Variants in VPS8 observed in about 807,000 individuals in gnomAD.
VPS8 encodes VPS8 subunit of CORVET complex.
A neutral mutation model predicts 216.4 loss-of-function variants in VPS8; 129 were observed. The observed-to-expected ratio is 0.60, with a 90% confidence interval of 0.52 to 0.69. VPS8 has a LOEUF of 0.69. VPS8 is among the 30% of genes least tolerant of loss of function. VPS8 has a pLI of 0.00. For missense variants in VPS8, 1,531 were observed against 1,683.5 expected, an observed-to-expected ratio of 0.91 and a Z score of 1.59; for synonymous variants, 571 against 565.4, an observed-to-expected ratio of 1.01 and a Z score of -0.14.
chr3:185,032,038 C>T (rs936548436), intron 46 of VPS8, among the ~76,000 whole-genome samples: 1 of 152,028 alleles, frequency 6.6e-6, no homozygotes, highest in Non-Finnish European at 1.5e-5. Flanking sequence ...ATGGTGGGCA[C>T]CTGTAATCCA....
At chr3:184,885,668 A>AT (rs1731078919) in intron 21 of VPS8, among the ~76,000 whole-genome samples, 2 of 152,036 alleles carry the variant, frequency 1.3e-5, no homozygotes, top group South Asian at 4.1e-4. Flanking sequence ...ACGAATGCAT[A>AT]TTTTCACCTA....
At chr3:184,964,421 A>G (rs1577001994) in intron 37 of VPS8, 47 bp from the exon 38 acceptor site, 1 of 1,289,280 alleles carries the variant, frequency 7.8e-7, no homozygotes, top group Non-Finnish European at 1.0e-6. Context: ...TTCCCACTCC[A>G]CAAATAAGAT....
At chr3:184,835,011 A>G (rs543374762) in intron 5 of VPS8, 6 of 284,818 alleles carry the variant, frequency 2.1e-5, no homozygotes, top group South Asian at 3.2e-4. Flanking sequence ...AATAAATACT[A>G]TTTGCCTTTT....
At chr3:184,854,051 C>G in intron 12 of VPS8, 41 bp downstream of exon 12, 2 of 1,612,410 alleles carry the variant, frequency 1.2e-6, no homozygotes, top group Non-Finnish European at 1.7e-6. Context: ...CTTTTAGAAG[C>G]TTTGAATACC....
intron 15 of VPS8, 85 bp from the exon 16 acceptor site, chr3:184,862,812 A>T: frequency 7.2e-7 from 1 of 1,392,890 alleles, no homozygotes; most frequent in African/African-American, 1.4e-5. Context: ...AATGTAATTT[A>T]ATCGAGCAGC....
At chr3:184,881,935 C>A (rs1035482169) in intron 21 of VPS8, among the ~76,000 whole-genome samples, 4 of 151,868 alleles carry the variant, frequency 2.6e-5, no homozygotes, top group African/African-American at 9.7e-5. Flanking sequence ...TTATATTCTG[C>A]AATCTTGTAG....
intron 5 of VPS8, among the ~76,000 whole-genome samples, chr3:184,835,803 G>A (rs535529308): frequency 7.6e-5 from 11 of 145,588 alleles, no homozygotes; most frequent in African/African-American, 2.5e-4. Flanking sequence ...TCCACCTCCC[G>A]GATTCATGTC....
At position 184,816,387 on chromosome 3, in the gene VPS8, CCTTA is replaced by C. The variant is rs542619759; in HGVS notation, c.-89+4166_-89+4169del. Among the ~76,000 whole-genome samples, 420 of 152,222 alleles carry C rather than the reference CCTTA, an allele frequency of 2.8e-3. 1 individual carries two copies. Among genetic ancestry groups the C allele is most frequent in the Middle Eastern group, 0.01 (3 of 294 alleles). Reference sequence around the variant, plus strand: ...GAAGGTCTTAGGCACTGTTCCTTCCCCTTACTTTTCTTTTTAACATTTTTTAATC... The same window carrying C: ...GAAGGTCTTAGGCACTGTTCCTTCCCCTTTTCTTTTTAACATTTTTTAATC... On this transcript the variant is annotated intron_variant, in intron 1 of 47. Coordinates refer to ENST00000625842, the MANE Select transcript of VPS8 (RefSeq NM_001009921.3).
At chr3:184,898,029 G>T (rs892275055) in intron 23 of VPS8, among the ~76,000 whole-genome samples, 1 of 151,950 alleles carries the variant, frequency 6.6e-6, no homozygotes, top group African/African-American at 2.4e-5. Flanking sequence ...GTGACTTTTT[G>T]AATACTCCAG....
At chr3:185,039,539 G>T (rs1158188306) in intron 46 of VPS8, among the ~76,000 whole-genome samples, 2 of 150,582 alleles carry the variant, frequency 1.3e-5, no homozygotes, top group South Asian at 2.1e-4. Flanking sequence ...TTTTTTTTTT[G>T]GAAAAGAAAT....
At chr3:184,887,339 C>A (rs1731466726) in intron 22 of VPS8, among the ~76,000 whole-genome samples, 1 of 152,014 alleles carries the variant, frequency 6.6e-6, no homozygotes, top group Admixed American at 6.6e-5. Context: ...AGAGCAAGAT[C>A]CTATCTCAAG....
chr3:184,973,498 A>C (rs1748772454), intron 40 of VPS8, among the ~76,000 whole-genome samples: 1 of 152,244 alleles, frequency 6.6e-6, no homozygotes, highest in African/African-American at 2.4e-5. Context: ...TGTAATGATC[A>C]AATCGGTTAC....
intron 30 of VPS8, among the ~76,000 whole-genome samples, chr3:184,925,643 T>C (rs1381615943): frequency 6.6e-6 from 1 of 152,182 alleles, no homozygotes. Flanking sequence ...TTAATAGAGT[T>C]AGTATCCAAA....
intron 46 of VPS8, among the ~76,000 whole-genome samples, chr3:185,025,004 A>G (rs1464675539): frequency 6.6e-6 from 1 of 152,138 alleles, no homozygotes; most frequent in African/African-American, 2.4e-5. Flanking sequence ...CTCCATCTCA[A>G]AAAAAGAAAA....
Position 184,957,514 on chromosome 3 carries a change from CTA to C in VPS8, c.3178_3179del (p.Ile1060SerfsTer10). 6.2e-7 allele frequency: 1 copy of C among 1,609,504 alleles called. No individual in the cohort carries two copies. Among genetic ancestry groups the C allele is most frequent in the African/African-American group, 1.3e-5 (1 of 74,980 alleles). ...CTTGAGTGCTACCGTCTGGAAGAAA[CTA>C]TTCAGGTGAGACGAACAATGTAAAA... On this transcript the variant is annotated frameshift_variant, in exon 37 of 48. Coordinates refer to ENST00000625842, the MANE Select transcript of VPS8 (RefSeq NM_001009921.3). LOFTEE classifies it high-confidence loss of function.
chr3:185,045,317 G>A (rs942137102), intron 46 of VPS8, among the ~76,000 whole-genome samples: 1 of 152,156 alleles, frequency 6.6e-6, no homozygotes, highest in Non-Finnish European at 1.5e-5. Flanking sequence ...CGAACAAGCC[G>A]AGCTCAGGCT....
At chr3:184,863,742 C>A (rs186991173) in intron 16 of VPS8, among the ~76,000 whole-genome samples, 60 of 152,198 alleles carry the variant, frequency 3.9e-4, no homozygotes, top group Admixed American at 1.6e-3. Flanking sequence ...AACCACAAAT[C>A]TTTAAGTAGG....
intron 39 of VPS8, among the ~76,000 whole-genome samples, chr3:184,967,795 C>G (rs982498414): frequency 6.6e-6 from 1 of 150,616 alleles, no homozygotes; most frequent in African/African-American, 2.4e-5. Context: ...GGAGATTGCA[C>G]CACTGCGGTC....
At chr3:184,908,047 G>A (rs1369656854) in intron 25 of VPS8, among the ~76,000 whole-genome samples, 1 of 152,102 alleles carries the variant, frequency 6.6e-6, no homozygotes, top group Non-Finnish European at 1.5e-5. Context: ...TAAGGTTTTT[G>A]GTGCACCACT....
Sources: gnomAD v4.1 joint callset for allele counts (sites outside exome capture counted in the v4.1 genomes callset) on GRCh38, gnomAD v4.1.1 for gene constraint, MANE v1.5 for transcripts, NCBI Gene and HGNC (gene_info 2026-07-23, HGNC 2026-07-21) for gene names.